Variants in LGSN observed in about 807,000 individuals in gnomAD.
The protein encoded by LGSN is lengsin, lens protein with glutamine synthetase domain.
LGSN carries 21 observed loss-of-function variants against 19.5 expected under a neutral mutation model. The ratio of observed to expected loss-of-function variants is 1.07; its 90% CI spans 0.76 to 1.55. LGSN has a LOEUF of 1.55. Among genes scored for constraint, LGSN ranks in the 40% most tolerant of loss-of-function variants. The pLI, the probability that LGSN is intolerant of heterozygous loss-of-function variation, is 0.00. For missense variants in LGSN, 673 were observed against 608.5 expected (o/e 1.11, Z -1.12); for synonymous variants, 257 against 215.6 (o/e 1.19, Z -1.68).
At chr6:63,300,417 A>G (rs992667034) in intron 1 of LGSN, among the ~76,000 whole-genome samples, 1 of 152,218 alleles carries the variant, frequency 6.6e-6, no homozygotes, top group Non-Finnish European at 1.5e-5. Context: ...CTATAATCCA[A>G]GCACTTTGGG....
chr6:63,418,534 C>CT, the LGSN span, among the ~76,000 whole-genome samples: 1 of 152,256 alleles, frequency 6.6e-6, no homozygotes, highest in African/African-American at 2.4e-5. Context: ...GCACTCCAGC[C>CT]TGGCGACAGA....
At chr6:63,481,023 T>C in the LGSN span, among the ~76,000 whole-genome samples, 1 of 145,170 alleles carries the variant, frequency 6.9e-6, no homozygotes, top group Admixed American at 7.0e-5. Context: ...ATACATACCA[T>C]GGAATACTAC....
At chr6:63,415,351 G>C in the LGSN span, among the ~76,000 whole-genome samples, 1 of 152,094 alleles carries the variant, frequency 6.6e-6, no homozygotes, top group Non-Finnish European at 1.5e-5. Flanking sequence ...AACTGCCCAA[G>C]ACTGGGTAAT....
chr6:63,498,535 G>A, the LGSN span, among the ~76,000 whole-genome samples: 12 of 152,174 alleles, frequency 7.9e-5, no homozygotes, highest in East Asian at 1.2e-3. Flanking sequence ...CTTGTTCTCC[G>A]ATCTTCACCT....
chr6:63,432,372 G>A, the LGSN span, among the ~76,000 whole-genome samples: 2 of 152,046 alleles, frequency 1.3e-5, 1 homozygote, highest in South Asian at 4.1e-4. Context: ...ATATAGATAG[G>A]GCTGCTATGT....
the LGSN span, among the ~76,000 whole-genome samples, chr6:63,491,642 G>A: frequency 6.6e-6 from 1 of 152,196 alleles, no homozygotes; most frequent in Non-Finnish European, 1.5e-5. Context: ...GTATGGTACA[G>A]GGATGTCTTT....
the LGSN span, among the ~76,000 whole-genome samples, chr6:63,385,021 C>T: frequency 6.6e-6 from 1 of 152,108 alleles, no homozygotes; most frequent in Non-Finnish European, 1.5e-5. Flanking sequence ...AAAAACAAAC[C>T]TGTGAATCTT....
the LGSN span, among the ~76,000 whole-genome samples, chr6:63,467,164 C>G: frequency 6.6e-6 from 1 of 152,022 alleles, no homozygotes; most frequent in East Asian, 1.9e-4. Context: ...AGAATTTGTA[C>G]GTATCAGGAA....
intron 2 of LGSN, among the ~76,000 whole-genome samples, chr6:63,294,292 G>A (rs1238054274): frequency 6.6e-6 from 1 of 152,026 alleles, no homozygotes; most frequent in African/African-American, 2.4e-5. Context: ...CCAAGATCAT[G>A]CCACTGCACT....
At position 63,289,722 on chromosome 6, in the gene LGSN, T is replaced by G. The variant is rs185427104; in HGVS notation, c.164-3969A>C. 6.2e-3 allele frequency among the ~76,000 whole-genome samples: 946 copies of G among 152,116 alleles called. 14 individuals are homozygous for G. Among genetic ancestry groups the G allele is most frequent in the African/African-American group, 0.021 (884 of 41,484 alleles). On this transcript the variant is annotated intron_variant, in intron 2 of 3. Coordinates refer to ENST00000370657, the MANE Select transcript of LGSN (RefSeq NM_016571.3). ...AATGAGGACATATATCAGTTATATA[T>G]AGAGAGCAAGCCATGGTCACATATA... is the stretch of plus-strand genomic sequence containing the variant.
the LGSN span, among the ~76,000 whole-genome samples, chr6:63,400,197 G>T: frequency 6.6e-6 from 1 of 152,202 alleles, no homozygotes; most frequent in African/African-American, 2.4e-5. Context: ...AGAAACATTT[G>T]TATTGATATC....
the LGSN span, among the ~76,000 whole-genome samples, chr6:63,510,731 T>C: frequency 7.1e-6 from 1 of 140,342 alleles, no homozygotes; most frequent in African/African-American, 2.7e-5. Context: ...TGGAGTGCAG[T>C]GACACAATCT....
the LGSN span, among the ~76,000 whole-genome samples, chr6:63,461,631 A>T: frequency 6.6e-6 from 1 of 152,222 alleles, no homozygotes; most frequent in Non-Finnish European, 1.5e-5. Context: ...CTGCAGTTTT[A>T]CAGATGGAAA....
the LGSN span, among the ~76,000 whole-genome samples, chr6:63,450,189 A>G: frequency 8.2e-6 from 1 of 122,682 alleles, no homozygotes; most frequent in East Asian, 2.5e-4. Context: ...TCTACTAAAA[A>G]ATGCAAAAAA....
the LGSN span, among the ~76,000 whole-genome samples, chr6:63,425,537 C>G: frequency 6.6e-6 from 1 of 152,158 alleles, no homozygotes; most frequent in East Asian, 1.9e-4. Context: ...AGGTTACATA[C>G]TGATTCCATT....
chr6:63,548,818 T>C, the LGSN span: 1 of 746,946 alleles, frequency 1.3e-6, no homozygotes, highest in East Asian at 2.5e-5. Context: ...CGGATCTCAT[T>C]GTATCTGTCA....
At chr6:63,482,731 C>CCAAA in the LGSN span, among the ~76,000 whole-genome samples, 1 of 152,128 alleles carries the variant, frequency 6.6e-6, no homozygotes, top group Admixed American at 6.6e-5. Context: ...GACAGGATCT[C>CCAAA]ACTATGTCAC....
chr6:63,535,012 A>T, the LGSN span, among the ~76,000 whole-genome samples: 1 of 152,054 alleles, frequency 6.6e-6, no homozygotes, highest in African/African-American at 2.4e-5. Flanking sequence ...GTGAGCCAAG[A>T]TCGCATCATT....
At chr6:63,352,637 TCTCTCTCTCTCTCTCTTC>T in the LGSN span, among the ~76,000 whole-genome samples, 1 of 148,296 alleles carries the variant, frequency 6.7e-6, no homozygotes, top group African/African-American at 2.5e-5. Flanking sequence ...CTCCAGTCTG[TCTCTCTCTCTCTCTCTTC>T]CTCTCTCTCT....
Sources: gnomAD v4.1 joint callset for allele counts (sites outside exome capture counted in the v4.1 genomes callset) on GRCh38, gnomAD v4.1.1 for gene constraint, MANE v1.5 for transcripts, NCBI Gene and HGNC (gene_info 2026-07-23, HGNC 2026-07-21) for gene names.